DPP6: variants seen among roughly 807,000 people sequenced by gnomAD.
The protein encoded by DPP6 is dipeptidyl peptidase like 6.
Under a neutral mutation model 122.6 loss-of-function variants are expected in DPP6, and 69 were observed. The observed-to-expected ratio is 0.56, with a 90% CI of 0.46 to 0.69. DPP6 has a LOEUF of 0.69. Ranked by LOEUF, DPP6 falls within the 30% of genes least tolerant of loss-of-function variation. DPP6 has a pLI of 0.00. For synonymous variants in DPP6, 418 were observed against 433.1 expected (o/e 0.97, Z 0.43); for missense variants, 928 against 1,116.9 (o/e 0.83, Z 2.41).
chr7:154,289,779 C>T lies in DPP6; in HGVS notation c.244-156435C>T, dbSNP rs78941173. On this transcript the variant is annotated intron_variant, in intron 1 of 25. Coordinates refer to ENST00000377770, the MANE Select transcript of DPP6 (RefSeq NM_130797.4). Reference sequence around the variant, plus strand: ...ATTTTGATGTATTTATTTGTCATTGCCTAACATCCCAACCCCAGCGTCTGA... The same window carrying T: ...ATTTTGATGTATTTATTTGTCATTGTCTAACATCCCAACCCCAGCGTCTGA... Among the ~76,000 whole-genome samples the T allele has an allele frequency of 4.7e-3, 712 of 152,204 alleles. 8 individuals carry two copies. Among genetic ancestry groups the T allele is most frequent in the East Asian group, 0.044 (225 of 5,158 alleles).
At chr7:154,246,020 T>A (rs1801962163) in intron 1 of DPP6, among the ~76,000 whole-genome samples, 1 of 152,166 alleles carries the variant, frequency 6.6e-6, no homozygotes, top group Admixed American at 6.5e-5. Context: ...TGACACATAA[T>A]ATAACAAGTA....
At chr7:153,901,790 C>T (rs528801033) in intron 1 of DPP6, among the ~76,000 whole-genome samples, 2 of 152,030 alleles carry the variant, frequency 1.3e-5, no homozygotes, top group South Asian at 4.1e-4. Flanking sequence ...TAGGTGAATT[C>T]AGGTTGTTAC....
chr7:153,882,143 G>C (rs1345588537), upstream of DPP6, among the ~76,000 whole-genome samples: 1 of 152,114 alleles, frequency 6.6e-6, no homozygotes. Flanking sequence ...TTCTCCAAAC[G>C]ATTATTATCA....
In DPP6 at chr7:154,063,646, C is replaced by A. The variant is rs186783979; in HGVS notation, c.243+10583C>A. 5.7e-4 allele frequency among the ~76,000 whole-genome samples: 73 copies of A among 128,582 alleles called. 1 individual carries two copies. The highest frequency in any genetic ancestry group is 9.6e-4 in the Non-Finnish European group (58 of 60,388). 84.4% of individuals were successfully genotyped at this position (128,582 alleles called of 152,430 possible). A position where few individuals can be genotyped will look rare whatever the true frequency, so the allele number is the denominator to read the frequency against. ...AGGCAGGGACTGAGAGCCACTCCCT[C>A]TTCCCCCTCTGGCGCTTAGGACCCC... is the stretch of plus-strand genomic sequence containing the variant. On this transcript the variant is annotated intron_variant, in intron 1 of 25. Transcript: ENST00000377770.
intron 4 of DPP6, among the ~76,000 whole-genome samples, chr7:154,558,919 A>G (rs2035846): frequency 0.047 from 7,183 of 152,284 alleles, 663 homozygotes; most frequent in East Asian, 0.42. Flanking sequence ...AAAAAGTCCA[A>G]TATTCTTTGA....
chr7:153,902,406 A>G (rs763711592), intron 1 of DPP6, among the ~76,000 whole-genome samples: 22 of 152,188 alleles, frequency 1.4e-4, no homozygotes, highest in Admixed American at 4.6e-4. Context: ...ACTGGGAGAC[A>G]GGGGTTCTGT....
chr7:154,055,613 T>C (rs1326010033), intron 1 of DPP6: 1 of 152,156 alleles, frequency 6.6e-6, no homozygotes, highest in African/African-American at 2.4e-5. Flanking sequence ...ATTACGTGTC[T>C]TGCAACTGCT....
Position 154,575,399 on chromosome 7 carries a change from G to A in DPP6, c.627+8483G>A, listed in dbSNP as rs1586662883. On this transcript the variant is annotated intron_variant, in intron 5 of 25. Coordinates refer to ENST00000377770, the MANE Select transcript of DPP6 (RefSeq NM_130797.4). ...TATGTGTGTGATGTGTGTGTAGTGT[G>A]TGTGTGGTGTTTGTGTATGTGTGTG... Among the ~76,000 whole-genome samples, 25 of 122,296 alleles carry A rather than the reference G, an allele frequency of 2.0e-4. No homozygotes were observed. The East Asian group carries it at 2.7e-3, about 13-fold the overall frequency. The allele number at this position is 122,296 out of a possible 152,430, so 80.2% of individuals were successfully genotyped here.
intron 2 of DPP6, among the ~76,000 whole-genome samples, chr7:154,462,178 T>G (rs561522022): frequency 6.6e-6 from 1 of 152,326 alleles, no homozygotes; most frequent in African/African-American, 2.4e-5. Flanking sequence ...TGTAGGTATA[T>G]GGATTTGTTT....
intron 15 of DPP6, among the ~76,000 whole-genome samples, chr7:154,806,718 T>C (rs557949733): frequency 1.1e-4 from 16 of 152,308 alleles, no homozygotes; most frequent in African/African-American, 3.1e-4. Context: ...CTGCAGAGCC[T>C]GGAGAAGGCA....
rs28620530 is a variant in DPP6 at position 154,760,466 on chromosome 7, C to T, written c.884-8951C>T. ...TTCTCTTATCTCGGGGCGGAGGGAG[C>T]GTCAGTGTTTCAGCAGGTTGTTTCT... On this transcript the variant is annotated intron_variant, in intron 8 of 25. Transcript: ENST00000377770. The surrounding 1 kb of genome is among the most constrained non-coding windows in gnomAD (Gnocchi z 4.5). 2.0e-5 allele frequency among the ~76,000 whole-genome samples: 3 copies of T among 152,020 alleles called. No individual in the cohort carries two copies. Among genetic ancestry groups the T allele is most frequent in the African/African-American group, 7.2e-5 (3 of 41,384 alleles).
At chr7:154,400,998 T>A (rs1815525810) in intron 1 of DPP6, among the ~76,000 whole-genome samples, 1 of 151,994 alleles carries the variant, frequency 6.6e-6, no homozygotes, top group Non-Finnish European at 1.5e-5. Context: ...GTCAGGAGCT[T>A]GAGACCAGCC....
Position 153,981,911 on chromosome 7 carries a change from C to T in DPP6, c.51+94177C>T, listed in dbSNP as rs558455227. On this transcript the variant is annotated intron_variant, in intron 1 of 25. Coordinates refer to the DPP6 transcript ENST00000404039. The stretch of plus-strand genomic sequence containing the variant: ...CTTGTAGGGTTTCTGCAGAGAGATC[C>T]GCTGTTAGTCTGATGGGCTTTCCTT... 1.7e-3 allele frequency among the ~76,000 whole-genome samples: 253 copies of T among 152,054 alleles called. 5 individuals are homozygous for T. Among genetic ancestry groups the T allele is most frequent in the Middle Eastern group, 3.4e-3 (1 of 294 alleles).
chr7:154,773,534 C>G lies in DPP6; in HGVS notation c.1136+592C>G, dbSNP rs546184734. Among the ~76,000 whole-genome samples the G allele has an allele frequency of 1.1e-4, 16 of 152,186 alleles. 2 individuals are homozygous for G. The South Asian group carries it at 3.3e-3, about 32-fold the overall frequency. On this transcript the variant is annotated intron_variant, in intron 10 of 25. Coordinates refer to ENST00000377770, the MANE Select transcript of DPP6 (RefSeq NM_130797.4). ...TAGTATTTTCCCCAAATTCAAGCAG[C>G]GTGGGGAATGATTATACTTCCAGAG...
chr7:154,405,573 T>C (rs963284537), intron 1 of DPP6, among the ~76,000 whole-genome samples: 3 of 152,060 alleles, frequency 2.0e-5, no homozygotes, highest in African/African-American at 7.2e-5. Flanking sequence ...AGCTGAAGTG[T>C]AGGGAGTGGT....
intron 6 of DPP6, among the ~76,000 whole-genome samples, chr7:154,654,824 T>G (rs926174061): frequency 6.6e-6 from 1 of 152,118 alleles, no homozygotes; most frequent in African/African-American, 2.4e-5. Context: ...TGAGGAAGCA[T>G]TTATGCCCAT....
rs1390732926 is a variant in DPP6 at position 153,894,592 on chromosome 7, T to C, written c.51+6858T>C. Among the ~76,000 whole-genome samples, 4 of 152,252 alleles carry C rather than the reference T, an allele frequency of 2.6e-5. No individual in the cohort carries two copies. In the South Asian group the frequency reaches 8.3e-4, roughly 32 times the overall value. On this transcript the variant is annotated intron_variant, in intron 1 of 25. Transcript: ENST00000404039. ...TGGAATGTTTTGAAAAACCCAGTCA[T>C]CTATGGGTGTTGTGGAGTTGGGAAT...
intron 6 of DPP6, among the ~76,000 whole-genome samples, chr7:154,648,662 G>C (rs967641677): frequency 6.6e-6 from 1 of 152,184 alleles, no homozygotes; most frequent in Admixed American, 6.5e-5. Flanking sequence ...GCTCACATCT[G>C]TAATCCCAGC....
intron 1 of DPP6, among the ~76,000 whole-genome samples, chr7:154,432,715 C>A (rs1818529277): frequency 6.6e-6 from 1 of 152,156 alleles, no homozygotes; most frequent in African/African-American, 2.4e-5. Context: ...CTTATGCATG[C>A]TGAGCGTGGG....
Sources: allele counts gnomAD v4.1 joint callset (sites outside exome capture counted in the v4.1 genomes callset), GRCh38; gene constraint gnomAD v4.1.1; non-coding constraint Gnocchi (gnomAD v3.1); transcripts MANE v1.5; gene names NCBI Gene and HGNC (gene_info 2026-07-23, HGNC 2026-07-21).